GALNT3: variants seen among roughly 807,000 people sequenced by gnomAD.
GALNT3 encodes polypeptide N-acetylgalactosaminyltransferase 3.
A neutral mutation model predicts 69.8 loss-of-function variants in GALNT3; 51 were observed. The ratio of observed to expected loss-of-function variants is 0.73; its 90% CI spans 0.58 to 0.92. The LOEUF is 0.92. GALNT3 is among the 40% of genes least tolerant of loss of function. The probability of loss-of-function intolerance (pLI) is 0.00; values close to 1 mark genes in which losing one functional copy is unlikely to be tolerated. For missense variants in GALNT3, 711 were observed against 760.0 expected (o/e 0.94, Z 0.76); for synonymous variants, 265 against 248.5 (o/e 1.07, Z -0.63).
chr2:165,768,018 C>CAT (rs1203229390), intron 2 of GALNT3, among the ~76,000 whole-genome samples: 1 of 151,898 alleles, frequency 6.6e-6, no homozygotes, highest in East Asian at 1.9e-4. Context: ...GGACTACAGG[C>CAT]GCACATCACC....
Position 165,754,621 on chromosome 2 carries a change from G to A in GALNT3, c.1626+6C>T, listed in dbSNP as rs774391241. 40 of 1,597,246 alleles carry A rather than the reference G, an allele frequency of 2.5e-5. No individual in the cohort carries two copies. In the South Asian group the frequency reaches 4.2e-4, roughly 17 times the overall value. On this transcript the variant is annotated splice_donor_region_variant and intron_variant, in intron 9 of 10. Coordinates refer to ENST00000392701, the MANE Select transcript of GALNT3 (RefSeq NM_004482.4). ...ACAAGTGAAGGATTTTTAATGCAGT[G>A]CTCACCTGGTTTCCCCCAAGTCCAT... is the stretch of plus-strand genomic sequence containing the variant.
chr2:165,752,652 T>C (rs1362933551), intron 9 of GALNT3, among the ~76,000 whole-genome samples: 2 of 152,134 alleles, frequency 1.3e-5, no homozygotes, highest in Non-Finnish European at 2.9e-5. Flanking sequence ...AAAAAAGCAA[T>C]GTGTACAATA....
chr2:165,788,608 G>A (rs1232009522), intron 1 of GALNT3, among the ~76,000 whole-genome samples: 1 of 151,862 alleles, frequency 6.6e-6, no homozygotes, highest in Admixed American at 6.6e-5. Context: ...GTGGAGGTGT[G>A]GGTGAGGGGA....
At chr2:165,773,319 C>T (rs1378636303) in intron 1 of GALNT3, among the ~76,000 whole-genome samples, 2 of 152,186 alleles carry the variant, frequency 1.3e-5, no homozygotes, top group African/African-American at 4.8e-5. Context: ...CTCTTGCCTG[C>T]CATCATGTAA....
chr2:165,759,567 T>A lies in GALNT3; in HGVS notation c.842A>T (p.Glu281Val). The A allele has an allele frequency of 6.2e-7, 1 of 1,610,588 alleles. No homozygotes were observed. Among genetic ancestry groups the A allele is most frequent in the Non-Finnish European group, 8.5e-7 (1 of 1,177,090 alleles). The change falls in exon 5 of 11, where the codon GAG becomes GTG. Residue 281 changes from glutamate to valine, a missense_variant. By Grantham distance (121) the Glu-to-Val change is moderately radical (BLOSUM62 -2). Coordinates refer to ENST00000392701, the MANE Select transcript of GALNT3 (RefSeq NM_004482.4). The part of the protein sequence containing the change: ...ETLTFLDAHC[E>V]CFYGWLEPLL... ...AGGTTCTAGCCAACCATAGAAACACTCACCTGGAGGGAACAGAATTTTAAT... is the reference window on the plus strand; with the variant it reads ...AGGTTCTAGCCAACCATAGAAACACACACCTGGAGGGAACAGAATTTTAAT...
intron 1 of GALNT3, among the ~76,000 whole-genome samples, chr2:165,783,480 T>A (rs1490437544): frequency 6.6e-6 from 1 of 152,136 alleles, no homozygotes; most frequent in Non-Finnish European, 1.5e-5. Flanking sequence ...TTTCTACAGG[T>A]TTACCAATGC....
rs940771268 is a variant in GALNT3 at position 165,748,689 on chromosome 2, C to A, written c.*92G>T. 1 of 1,202,402 alleles carries A rather than the reference C, an allele frequency of 8.3e-7. No homozygotes were observed. Among genetic ancestry groups the A allele is most frequent in the Admixed American group, 2.0e-5 (1 of 49,956 alleles). 74.5% of individuals were successfully genotyped at this position (1,202,402 alleles called of 1,614,324 possible). A position where few individuals can be genotyped will look rare whatever the true frequency, so the allele number is the denominator to read the frequency against. ...ACTTGGAATAAGTTACATTTAGCTG[C>A]TTTTGCATAATTTTCAAAAACTACA... On this transcript the variant is annotated 3_prime_UTR_variant, in exon 11 of 11. Transcript: ENST00000392701.
rs923126166 is a variant in GALNT3, at chr2:165,759,003, C to T, written c.1074-139G>A. 5 of 707,288 alleles carry T rather than the reference C, an allele frequency of 7.1e-6. No individual in the cohort carries two copies. In the African/African-American group the frequency reaches 7.2e-5, roughly 10 times the overall value. The allele number at this position is 707,288 out of a possible 1,614,324, so 43.8% of individuals were successfully genotyped here. ...TTCAGATTAATAAAAACTAGAAATG[C>T]TATCTTCAAAGTCAAGATTTTTGGG... On this transcript the variant is annotated intron_variant, in intron 5 of 10. Coordinates refer to ENST00000392701, the MANE Select transcript of GALNT3 (RefSeq NM_004482.4).
intron 1 of GALNT3, among the ~76,000 whole-genome samples, chr2:165,780,135 T>TA (rs1467136184): frequency 6.6e-6 from 1 of 152,170 alleles, no homozygotes; most frequent in African/African-American, 2.4e-5. Flanking sequence ...AGCCCATGCA[T>TA]ACACAGCTCC....
chr2:165,783,902 G>A (rs1574016938), intron 1 of GALNT3, among the ~76,000 whole-genome samples: 3 of 152,084 alleles, frequency 2.0e-5, no homozygotes, highest in Non-Finnish European at 1.5e-5. Context: ...CATAAAATCT[G>A]TGTCTACCTT....
intron 2 of GALNT3, among the ~76,000 whole-genome samples, chr2:165,766,264 C>T (rs866131313): frequency 6.6e-6 from 1 of 152,168 alleles, no homozygotes; most frequent in South Asian, 2.1e-4. Flanking sequence ...TGTTAAAAGT[C>T]CTGTGCTCAT....
chr2:165,782,621 T>G (rs1446406312), intron 1 of GALNT3, among the ~76,000 whole-genome samples: 1 of 152,170 alleles, frequency 6.6e-6, no homozygotes, highest in Non-Finnish European at 1.5e-5. Flanking sequence ...CTGGACCCAC[T>G]ATGAGTACAA....
chr2:165,752,549 T>C (rs982366728), intron 9 of GALNT3, among the ~76,000 whole-genome samples: 6 of 152,172 alleles, frequency 3.9e-5, no homozygotes, highest in Admixed American at 2.0e-4. Flanking sequence ...TTCTAAAAGA[T>C]AGCTATATTC....
rs762656269 is a variant in GALNT3, at chr2:165,765,076, T to A, written c.516-20A>T. 1 of 1,605,020 alleles carries A rather than the reference T, an allele frequency of 6.2e-7. No individual in the cohort carries two copies. Among genetic ancestry groups the A allele is most frequent in the African/African-American group, 1.3e-5 (1 of 74,734 alleles). The stretch of plus-strand genomic sequence containing the variant: ...ATACATCTAGAAGAAGTCAGAGAAG[T>A]AGAAAAACAATTACAAATTTTATTA... On this transcript the variant is annotated intron_variant, in intron 2 of 10. Coordinates refer to ENST00000392701, the MANE Select transcript of GALNT3 (RefSeq NM_004482.4).
intron 9 of GALNT3, among the ~76,000 whole-genome samples, chr2:165,750,227 A>T (rs1688335198): frequency 6.6e-6 from 1 of 152,126 alleles, no homozygotes; most frequent in South Asian, 2.1e-4. Context: ...CCTCTCTCCC[A>T]CAAGTGTTCC....
At chr2:165,761,499 AC>A (rs1688545447) in intron 4 of GALNT3, among the ~76,000 whole-genome samples, 1 of 152,126 alleles carries the variant, frequency 6.6e-6, no homozygotes, top group African/African-American at 2.4e-5. Flanking sequence ...GGAATGAGCC[AC>A]CACGCCCGGC....
At chr2:165,757,358 C>T (rs1688464550) in intron 6 of GALNT3, 111 bp from the exon 7 acceptor site, 14 of 979,046 alleles carry the variant, frequency 1.4e-5, no homozygotes, top group Non-Finnish European at 1.9e-5. Context: ...GAAGAGATTA[C>T]AATATTACAA....
chr2:165,760,840 G>T (rs13027292), intron 4 of GALNT3, among the ~76,000 whole-genome samples: 151,659 of 152,274 alleles, frequency 1, 75,525 homozygotes, highest in Middle Eastern at 1. Context: ...CAAAATGACA[G>T]TTTAGTAATA....
At chr2:165,792,685 C>T (rs1292371717) in intron 1 of GALNT3, among the ~76,000 whole-genome samples, 2 of 151,474 alleles carry the variant, frequency 1.3e-5, no homozygotes, top group African/African-American at 2.4e-5. Flanking sequence ...GAAACTTCTA[C>T]GTAAAAATGT....
Sources: gnomAD v4.1 joint callset for allele counts (sites outside exome capture counted in the v4.1 genomes callset) on GRCh38, gnomAD v4.1.1 for gene constraint, MANE v1.5 for transcripts, NCBI Gene and HGNC (gene_info 2026-07-23, HGNC 2026-07-21) for gene names.